The following PCDH15 variants were observed in gnomAD, a reference collection of about 807,000 sequenced individuals.
The protein encoded by PCDH15 is protocadherin related 15, also known as protocadherin-15.
A neutral mutation model predicts 178.5 loss-of-function variants in PCDH15; 129 were observed. The ratio of observed to expected loss-of-function variants is 0.72; its 90% CI spans 0.63 to 0.84. PCDH15 has a LOEUF of 0.84. Ranked by LOEUF, PCDH15 falls within the 40% of genes least tolerant of loss-of-function variation. PCDH15 has a pLI of 0.00. For missense variants in PCDH15, 2,230 were observed against 2,099.9 expected (o/e 1.06, Z -1.21); for synonymous variants, 800 against 732.0 (o/e 1.09, Z -1.50).
chr10:53,959,828 A>G lies in PCDH15; in HGVS notation c.3026T>C (p.Phe1009Ser). The G allele has an allele frequency of 5.6e-6, 9 of 1,613,922 alleles. No homozygotes were observed. The highest frequency in any genetic ancestry group is 5.9e-6 in the Non-Finnish European group (7 of 1,179,862). ...TTIFKLVVVA[F>S]DDGEPVMSSS... The stretch of plus-strand genomic sequence containing the variant: ...GGACATCACAGGCTCCCCATCATCA[A>G]AAGCAACCACCACCAACTTAAAAAG... Residue 1009 changes from phenylalanine (F) to serine (S), a missense_variant, in exon 23 of 38, where the codon TTT becomes TCT. By Grantham distance (155) the Phe-to-Ser change is radical (BLOSUM62 -2). Coordinates refer to ENST00000644397, the MANE Select transcript of PCDH15 (RefSeq NM_001384140.1).
At chr10:54,656,087 A>C (rs566678328) in intron 2 of PCDH15, 3 of 152,304 alleles carry the variant, frequency 2.0e-5, no homozygotes, top group Admixed American at 6.5e-5. Flanking sequence ...CTTGAATTTA[A>C]CTTCTCAGAA....
chr10:54,777,257 C>T lies in PCDH15; in HGVS notation c.-29+23668G>A, dbSNP rs186577982. On this transcript the variant is annotated intron_variant, in intron 1 of 37. Transcript: ENST00000644397. ...TATCTATTTCACTCCACCACCATAC[C>T]AATCATCGAGCGCTGGCTGCTCAGC... Among the ~76,000 whole-genome samples, 261 of 152,270 alleles carry T rather than the reference C, an allele frequency of 1.7e-3. 7 individuals carry two copies. The highest frequency in any genetic ancestry group is 4.9e-4 in the Non-Finnish European group (33 of 68,024).
At chr10:55,540,213 TC>T in intron 2 of PCDH15, among the ~76,000 whole-genome samples, 1 of 152,070 alleles carries the variant, frequency 6.6e-6, no homozygotes, top group Non-Finnish European at 1.5e-5. Flanking sequence ...AATAAATGCA[TC>T]TTCATTTTTA....
intron 28 of PCDH15, among the ~76,000 whole-genome samples, chr10:53,853,810 G>A (rs1012952751): frequency 2.0e-5 from 3 of 151,968 alleles, no homozygotes; most frequent in East Asian, 3.9e-4. Context: ...AAGTTGGAAA[G>A]CTTATGCACT....
chr10:54,365,225 C>T (rs539962100), intron 5 of PCDH15, among the ~76,000 whole-genome samples: 3 of 152,142 alleles, frequency 2.0e-5, no homozygotes, highest in Non-Finnish European at 4.4e-5. Context: ...TATGACCTCC[C>T]AAACATCAAT....
intron 2 of PCDH15, among the ~76,000 whole-genome samples, chr10:54,660,805 C>T (rs2135381883): frequency 6.6e-6 from 1 of 152,118 alleles, no homozygotes; most frequent in South Asian, 2.1e-4. Flanking sequence ...AATAGTTAAA[C>T]ATATGCAAAT....
rs1393656128 is a variant in PCDH15, at chr10:54,442,436, A to G, written c.158-63494T>C. ...AGGCTATATATATATATATATATAT[A>G]TATATATATATATATATATATATAC... On this transcript the variant is annotated intron_variant, in intron 3 of 37. Transcript: ENST00000644397. 1.7e-5 allele frequency among the ~76,000 whole-genome samples: 2 copies of G among 118,204 alleles called. 1 individual carries two copies. The highest frequency in any genetic ancestry group is 3.4e-5 in the Non-Finnish European group (2 of 58,422). 77.5% of individuals were successfully genotyped at this position (118,204 alleles called of 152,430 possible). A position where few individuals can be genotyped will look rare whatever the true frequency, so the allele number is the denominator to read the frequency against.
chr10:55,581,983 C>T (rs115057486), intron 2 of PCDH15, among the ~76,000 whole-genome samples: 1 of 152,056 alleles, frequency 6.6e-6, no homozygotes, highest in Non-Finnish European at 1.5e-5. Flanking sequence ...CAAGGACCTG[C>T]GATTATATGC....
At chr10:55,390,171 T>C (rs1191560089) in intron 2 of PCDH15, among the ~76,000 whole-genome samples, 1 of 152,164 alleles carries the variant, frequency 6.6e-6, no homozygotes, top group Admixed American at 6.6e-5. Flanking sequence ...GGTTGCATTA[T>C]ACTGTAGTCT....
intron 2 of PCDH15, among the ~76,000 whole-genome samples, chr10:55,056,358 A>T (rs1841303038): frequency 6.6e-6 from 1 of 152,130 alleles, no homozygotes; most frequent in Non-Finnish European, 1.5e-5. Context: ...ATTATAGTCC[A>T]GCCAAACAAG....
At chr10:54,047,905 G>T (rs1242750613) in intron 18 of PCDH15, among the ~76,000 whole-genome samples, 1 of 152,146 alleles carries the variant, frequency 6.6e-6, no homozygotes, top group African/African-American at 2.4e-5. Flanking sequence ...TTGGTAGAAT[G>T]ATGTATTTTC....
intron 1 of PCDH15, among the ~76,000 whole-genome samples, chr10:54,800,042 A>G (rs921546648): frequency 2.0e-5 from 3 of 152,078 alleles, no homozygotes; most frequent in Non-Finnish European, 4.4e-5. Flanking sequence ...TGTGAAAGCA[A>G]ATGAGTATGA....
intron 28 of PCDH15, among the ~76,000 whole-genome samples, chr10:53,851,100 A>G (rs1160112038): frequency 4.6e-5 from 7 of 152,110 alleles, no homozygotes; most frequent in Admixed American, 1.3e-4. Context: ...GCAGTTCTCT[A>G]TCAGGAATTG....
intron 1 of PCDH15, among the ~76,000 whole-genome samples, chr10:55,300,696 G>A (rs919845404): frequency 3.3e-5 from 5 of 152,056 alleles, no homozygotes; most frequent in Non-Finnish European, 7.4e-5. Context: ...ACATGTATAG[G>A]AAGCTTATGA....
At chr10:54,874,712 T>A (rs1283377580) in intron 3 of PCDH15, among the ~76,000 whole-genome samples, 1 of 152,150 alleles carries the variant, frequency 6.6e-6, no homozygotes, top group African/African-American at 2.4e-5. Flanking sequence ...GCCAAGTAAA[T>A]TATTTTAGGA....
chr10:53,970,712 A>G (rs890598876), intron 21 of PCDH15, among the ~76,000 whole-genome samples: 1 of 152,156 alleles, frequency 6.6e-6, no homozygotes, highest in African/African-American at 2.4e-5. Flanking sequence ...ATTCCTGGAC[A>G]CATACACCCT....
At chr10:55,063,699 C>A (rs1431745125) in intron 2 of PCDH15, among the ~76,000 whole-genome samples, 2 of 152,110 alleles carry the variant, frequency 1.3e-5, no homozygotes, top group Non-Finnish European at 2.9e-5. Flanking sequence ...CATTATAAAT[C>A]ACATTAACAG....
At chr10:54,820,641 A>G (rs1230622841) in intron 3 of PCDH15, among the ~76,000 whole-genome samples, 2 of 152,070 alleles carry the variant, frequency 1.3e-5, no homozygotes, top group African/African-American at 4.8e-5. Flanking sequence ...GTGATGTTCA[A>G]CTTTGTTTTA....
At chr10:54,800,024 G>A (rs536571666) in intron 1 of PCDH15, among the ~76,000 whole-genome samples, 1 of 152,064 alleles carries the variant, frequency 6.6e-6, no homozygotes, top group East Asian at 1.9e-4. Context: ...TTTGACAATT[G>A]GCTCTTTTGT....
Sources: gnomAD v4.1 joint callset for allele counts (sites outside exome capture counted in the v4.1 genomes callset) on GRCh38, gnomAD v4.1.1 for gene constraint, MANE v1.5 for transcripts, NCBI Gene and HGNC (gene_info 2026-07-23, HGNC 2026-07-21) for gene names.